DZIP3: variants seen among roughly 807,000 people sequenced by gnomAD.
The protein encoded by DZIP3 is E3 ubiquitin-protein ligase DZIP3.
Under a neutral mutation model 162.0 loss-of-function variants are expected in DZIP3, and 118 were observed. The ratio of observed to expected loss-of-function variants is 0.73; its 90% CI spans 0.63 to 0.85. The LOEUF (loss-of-function observed/expected upper bound fraction) is 0.85. Among genes scored for constraint, DZIP3 ranks in the 40% least tolerant of loss-of-function variants. The probability of loss-of-function intolerance (pLI) is 0.00; values close to 1 mark genes in which losing one functional copy is unlikely to be tolerated. For synonymous variants in DZIP3, 438 were observed against 458.6 expected, an observed-to-expected ratio of 0.96 and a Z score of 0.57; for missense variants, 1,331 against 1,407.0, an observed-to-expected ratio of 0.95 and a Z score of 0.86.
intron 26 of DZIP3, among the ~76,000 whole-genome samples, chr3:108,678,407 G>A (rs998709430): frequency 2.6e-5 from 4 of 151,944 alleles, no homozygotes; most frequent in African/African-American, 7.3e-5. Flanking sequence ...CCCTGGTGCC[G>A]AAAAGATTGG....
At chr3:108,649,082 A>G in intron 17 of DZIP3, 120 bp downstream of exon 17, 1 of 538,102 alleles carries the variant, frequency 1.9e-6, no homozygotes, top group South Asian at 2.6e-5. Flanking sequence ...TCAATAGCTT[A>G]CTGAGTATAT....
chr3:108,662,095 C>T (rs1943464757), intron 20 of DZIP3, 35 bp from the exon 21 acceptor site: 2 of 1,574,250 alleles, frequency 1.3e-6, no homozygotes, highest in East Asian at 2.3e-5. Flanking sequence ...GTGACTTGAA[C>T]ATAATTATCT....
Position 108,637,617 on chromosome 3 carries a change from T to G in DZIP3, c.1064+69T>G. ...CATATATTTTTTGGTTGCTTAATTC[T>G]TCTGTGTTTCTGTCACCTAATAGAG... is the stretch of plus-strand genomic sequence containing the variant. On this transcript the variant is annotated intron_variant, in intron 12 of 32. Coordinates refer to ENST00000361582, the MANE Select transcript of DZIP3 (RefSeq NM_014648.4). 2.3e-6 allele frequency: 3 copies of G among 1,289,934 alleles called. 1 individual carries two copies. The South Asian group carries it at 3.9e-5, about 17-fold the overall frequency. 79.9% of individuals were successfully genotyped at this position (1,289,934 alleles called of 1,614,324 possible). A position where few individuals can be genotyped will look rare whatever the true frequency, so the allele number is the denominator to read the frequency against.
chr3:108,603,681 A>T lies in DZIP3; in HGVS notation c.-72-1654A>T, dbSNP rs186013453. On this transcript the variant is annotated intron_variant, in intron 1 of 32. Transcript: ENST00000361582. The stretch of plus-strand genomic sequence containing the variant: ...AGGAAATCTCTCTCTCTGTGTATAT[A>T]TGTGTAATTTTGTGTTTTAAGATAT... Among the ~76,000 whole-genome samples, 343 of 152,302 alleles carry T rather than the reference A, an allele frequency of 2.3e-3. 3 individuals are homozygous for T. The highest frequency in any genetic ancestry group is 0.01 in the Middle Eastern group (3 of 294).
At chr3:108,628,169 A>G (rs1576381220) in intron 7 of DZIP3, among the ~76,000 whole-genome samples, 2 of 151,962 alleles carry the variant, frequency 1.3e-5, no homozygotes, top group Admixed American at 1.3e-4. Flanking sequence ...GAGCCACCGC[A>G]CCCAGCCAGT....
At chr3:108,611,963 C>CAAA (rs10663799) in intron 4 of DZIP3, among the ~76,000 whole-genome samples, 20 of 141,846 alleles carry the variant, frequency 1.4e-4, no homozygotes, top group Non-Finnish European at 2.2e-4. Flanking sequence ...CACTCTGTCT[C>CAAA]AAAAAAAAAA....
chr3:108,670,691 G>T (rs1943895381), intron 22 of DZIP3, among the ~76,000 whole-genome samples: 1 of 151,780 alleles, frequency 6.6e-6, no homozygotes, highest in African/African-American at 2.4e-5. Flanking sequence ...ACTTTTTGAG[G>T]AATTGCCAAA....
chr3:108,684,190 A>G, intron 26 of DZIP3, 26 bp from the exon 27 acceptor site: 15 of 1,585,648 alleles, frequency 9.5e-6, no homozygotes, highest in Non-Finnish European at 1.2e-5. Flanking sequence ...GGTGTTGTTT[A>G]TTATTGTTTA....
chr3:108,615,373 G>A (rs760388143), intron 4 of DZIP3, among the ~76,000 whole-genome samples: 4 of 152,162 alleles, frequency 2.6e-5, no homozygotes, highest in Non-Finnish European at 5.9e-5. Context: ...GATATTGTTT[G>A]AGCTTGGAAT....
chr3:108,675,636 C>A, intron 24 of DZIP3, 150 bp from the exon 25 acceptor site: 2 of 527,156 alleles, frequency 3.8e-6, no homozygotes, highest in Non-Finnish European at 6.5e-6. Context: ...CCTGTCCATA[C>A]CTCTTTATGT....
At chr3:108,602,385 T>TA (rs1940069455) in intron 1 of DZIP3, among the ~76,000 whole-genome samples, 2 of 152,054 alleles carry the variant, frequency 1.3e-5, no homozygotes, top group African/African-American at 2.4e-5. Context: ...ATATGGATGG[T>TA]ATTACCTTAT....
Position 108,611,637 on chromosome 3 carries a change from C to G in DZIP3, c.258+308C>G, listed in dbSNP as rs557410344. On this transcript the variant is annotated intron_variant, in intron 4 of 32. Transcript: ENST00000361582. Reference sequence around the variant, plus strand: ...TAACCTGTAACATGCCAGTCTGGGACAGGGGACTGCTTTTGTTCTCCTAAC... The same window carrying G: ...TAACCTGTAACATGCCAGTCTGGGAGAGGGGACTGCTTTTGTTCTCCTAAC... Among the ~76,000 whole-genome samples, 289 of 152,174 alleles carry G rather than the reference C, an allele frequency of 1.9e-3. 9 individuals carry two copies. The South Asian group carries it at 0.031, about 17-fold the overall frequency.
At chr3:108,691,039 C>G in intron 32 of DZIP3, 136 bp downstream of exon 32, 1 of 651,584 alleles carries the variant, frequency 1.5e-6, no homozygotes. Context: ...CCAAAGAAGT[C>G]AGGACAAATC....
chr3:108,674,419 T>G (rs552752142), intron 24 of DZIP3, among the ~76,000 whole-genome samples: 2 of 152,026 alleles, frequency 1.3e-5, no homozygotes, highest in African/African-American at 2.4e-5. Flanking sequence ...TTTAGTTACT[T>G]TGATGCTTGT....
intron 32 of DZIP3, chr3:108,691,407 G>GT (rs1275594678): frequency 4.2e-5 from 6 of 143,750 alleles, no homozygotes; most frequent in Admixed American, 1.4e-4. Context: ...AAAAAAGAAA[G>GT]TAAAAAAAAA....
intron 4 of DZIP3, among the ~76,000 whole-genome samples, chr3:108,612,098 T>C (rs962465106): frequency 6.6e-6 from 1 of 152,208 alleles, no homozygotes; most frequent in African/African-American, 2.4e-5. Context: ...TTTTTCTGTA[T>C]AATTTGTGGT....
At chr3:108,631,394 G>A (rs916765684) in intron 8 of DZIP3, among the ~76,000 whole-genome samples, 5 of 150,788 alleles carry the variant, frequency 3.3e-5, no homozygotes, top group African/African-American at 4.9e-5. Context: ...TTTTCTTTTC[G>A]GAGACAGGTT....
In DZIP3 at chr3:108,622,880, C is replaced by CTCTCTCTCTCTCTCTCTCTCTGTGTG. The variant is rs796232998; in HGVS notation, c.376-1563_376-1562insCTCTCTCTCTCTCTCTCTCTGTGTGT. Reference sequence around the variant, plus strand: ...TCTCTCTCTCTCTCTCTCTCTCTCTCTGTGTGTGTGTGTGTGTATGGAGCT... The same window carrying CTCTCTCTCTCTCTCTCTCTCTGTGTG: ...TCTCTCTCTCTCTCTCTCTCTCTCTCTCTCTCTCTCTCTCTCTCTCTGTGTGTGTGTGTGTGTGTGTGTATGGAGCT... On this transcript the variant is annotated intron_variant, in intron 5 of 32. Transcript: ENST00000361582. 6.8e-4 allele frequency among the ~76,000 whole-genome samples: 36 copies of CTCTCTCTCTCTCTCTCTCTCTGTGTG among 53,076 alleles called. 1 individual carries two copies. The highest frequency in any genetic ancestry group is 1.0e-3 in the Non-Finnish European group (29 of 28,084). 34.8% of individuals were successfully genotyped at this position (53,076 alleles called of 152,430 possible).
chr3:108,599,390 G>A (rs539442694), intron 1 of DZIP3, among the ~76,000 whole-genome samples: 1 of 152,254 alleles, frequency 6.6e-6, no homozygotes, highest in Non-Finnish European at 1.5e-5. Context: ...TTACCAGGAA[G>A]TTAAACAAAT....
Sources: allele counts gnomAD v4.1 joint callset (sites outside exome capture counted in the v4.1 genomes callset), GRCh38; gene constraint gnomAD v4.1.1; transcripts MANE v1.5; gene names NCBI Gene and HGNC (gene_info 2026-07-23, HGNC 2026-07-21).